Variants in KANK3 observed in about 807,000 individuals in gnomAD.
KANK3 encodes KN motif and ankyrin repeat domains 3, also known as KN motif and ankyrin repeat domain-containing protein 3.
A neutral mutation model predicts 65.4 loss-of-function variants in KANK3; 61 were observed. That is an observed-to-expected ratio of 0.93 (90% confidence interval 0.76 to 1.15). The LOEUF (loss-of-function observed/expected upper bound fraction) is 1.15. KANK3 is among the 50% of genes most tolerant of loss of function. The probability of loss-of-function intolerance (pLI) is 0.00; values close to 1 mark genes in which losing one functional copy is unlikely to be tolerated. For synonymous variants in KANK3, 586 were observed against 543.3 expected, an observed-to-expected ratio of 1.08 and a Z score of -1.09; for missense variants, 1,187 against 1,178.8, an observed-to-expected ratio of 1.01 and a Z score of -0.10.
rs755480025 is a variant in KANK3 at position 8,324,668 on chromosome 19, G to A, written c.2245C>T (p.Leu749Phe). The change falls in exon 9 of 11, where the codon CTC becomes TTC. Residue 749 changes from leucine (L) to phenylalanine (F), a missense_variant. By Grantham distance (22) the Leu-to-Phe change is conservative. Transcript: ENST00000330915. ...GCAGGGTCACAGCCTGGCTGGGTGA[G>A]CAGCAGCCGCACGGTGTCCAGGCGC... Reference protein sequence around the residue: ...YGRLDTVRLLLTQPGCDPAIL... With the variant: ...YGRLDTVRLLFTQPGCDPAIL... 1 of 1,613,866 alleles carries A rather than the reference G, an allele frequency of 6.2e-7. No individual in the cohort carries two copies. The highest frequency in any genetic ancestry group is 1.3e-5 in the African/African-American group (1 of 74,952).
chr19:8,326,481 TA>T (rs369948563), intron 7 of KANK3, among the ~76,000 whole-genome samples: 1,295 of 119,248 alleles, frequency 0.011, 3 homozygotes, highest in African/African-American at 0.024. Context: ...CCACCTGTTG[TA>T]AAAAAAAAAA....
At chr19:8,337,902 G>A in intron 1 of KANK3, 46 bp from the exon 2 acceptor site, 1 of 1,607,488 alleles carries the variant, frequency 6.2e-7, no homozygotes, top group Non-Finnish European at 8.5e-7. Flanking sequence ...CCTCTGGCTG[G>A]AGCCTCTGGG....
intron 1 of KANK3, 107 bp from the exon 2 acceptor site, chr19:8,337,963 G>C: frequency 7.2e-7 from 1 of 1,384,750 alleles, no homozygotes; most frequent in Non-Finnish European, 9.5e-7. Flanking sequence ...CCTCCACCCA[G>C]CCACCTCCCT....
chr19:8,324,608 C>T (rs201462799), intron 9 of KANK3, 22 bp downstream of exon 9: 1 of 1,613,088 alleles, frequency 6.2e-7, no homozygotes, highest in Non-Finnish European at 8.5e-7. Context: ...CCCAAGATGC[C>T]AGCCCCATTG....
chr19:8,342,795 G>A (rs1970737449), intron 1 of KANK3, among the ~76,000 whole-genome samples: 1 of 152,156 alleles, frequency 6.6e-6, no homozygotes, highest in Non-Finnish European at 1.5e-5. Flanking sequence ...AGGAAGCGCC[G>A]CCGGGCGGTT....
intron 7 of KANK3, among the ~76,000 whole-genome samples, chr19:8,332,441 G>A (rs893778080): frequency 2.6e-5 from 4 of 151,342 alleles, no homozygotes; most frequent in Admixed American, 1.3e-4. Context: ...GCCTCCCAAA[G>A]TGCTGGGGTT....
At chr19:8,328,651 C>T (rs899750469) in intron 7 of KANK3, among the ~76,000 whole-genome samples, 3 of 151,866 alleles carry the variant, frequency 2.0e-5, no homozygotes, top group Non-Finnish European at 4.4e-5. Context: ...CCCGCAAGGT[C>T]CAAGGATTAC....
intron 7 of KANK3, among the ~76,000 whole-genome samples, chr19:8,328,242 A>C (rs56328476): frequency 0.18 from 26,671 of 152,056 alleles, 2,552 homozygotes; most frequent in Admixed American, 0.26. Context: ...GTGAAACCCC[A>C]TGCCTACAAA....
At position 8,333,663 on chromosome 19, in the gene KANK3, C is replaced by T; in HGVS notation, c.1719+61G>A. On this transcript the variant is annotated intron_variant, in intron 6 of 10. Transcript: ENST00000330915. The surrounding 1 kb of genome is among the most constrained non-coding windows in gnomAD (Gnocchi z 5.0). ...AACCCGGTGTGCTCCCCTAAGTGGG[C>T]GTCAGAGGTCCTTGGAGGCTCCCAC... 1.5e-6 allele frequency: 2 copies of T among 1,324,522 alleles called. No individual in the cohort carries two copies. Among genetic ancestry groups the T allele is most frequent in the Non-Finnish European group, 2.0e-6 (2 of 1,004,810 alleles). 82.0% of individuals were successfully genotyped at this position (1,324,522 alleles called of 1,614,324 possible). A position where few individuals can be genotyped will look rare whatever the true frequency, so the allele number is the denominator to read the frequency against.
In KANK3 at chr19:8,335,226, C is replaced by A; in HGVS notation, c.601G>T (p.Glu201Ter). Residue 201 changes from glutamate to a stop codon, truncating the protein, a stop_gained, in exon 3 of 11, where the codon GAG becomes TAG. Coordinates refer to ENST00000330915, the MANE Select transcript of KANK3 (RefSeq NM_198471.3). LOFTEE classifies it high-confidence loss of function. ...TCGGGCAGCGTTCGCGCCTGGTCCT[C>A]GAGCTCGCGCAGGCGCCGCAGCGCC... ...AAALRRLRELEDQARTLPELQ... is the reference protein window; with the variant it reads ...AAALRRLREL 8.2e-7 allele frequency: 1 copy of A among 1,226,062 alleles called. No individual in the cohort carries two copies. Among genetic ancestry groups the A allele is most frequent in the Non-Finnish European group, 1.0e-6 (1 of 982,528 alleles). The allele number at this position is 1,226,062 out of a possible 1,614,324, so 75.9% of individuals were successfully genotyped here.
At chr19:8,337,322 G>A (rs1363577789) in intron 2 of KANK3, among the ~76,000 whole-genome samples, 1 of 149,762 alleles carries the variant, frequency 6.7e-6, no homozygotes, top group African/African-American at 2.5e-5. Flanking sequence ...TCCTGCCTCA[G>A]CCTCCCGAGT....
intron 7 of KANK3, among the ~76,000 whole-genome samples, chr19:8,330,895 T>C (rs931951490): frequency 1.4e-5 from 2 of 145,768 alleles, no homozygotes; most frequent in East Asian, 2.1e-4. Flanking sequence ...CAGAGCAAGA[T>C]CTGTTCGAAA....
At position 8,335,462 on chromosome 19, in the gene KANK3, C is replaced by T; in HGVS notation, c.365G>A (p.Arg122His). The change falls in exon 3 of 11, where the codon CGC (arginine) becomes CAC (histidine). Residue 122 changes from arginine to histidine, a missense_variant. By Grantham distance (29) the Arg-to-His change is conservative. Around this residue, in one of 3 missense-constraint regions of KANK3, gnomAD observed 1,078 missense variants for 1,038.2 expected, o/e 1.04. Transcript: ENST00000330915. ...SGLLMQPLSP[R>H]APVRNPRVEH... ...GACGCGCGGGTTGCGCACGGGCGCG[C>T]GCGGCGACAGCGGCTGCATCAGGAG... 2 of 1,230,868 alleles carry T rather than the reference C, an allele frequency of 1.6e-6. No individual in the cohort carries two copies. The highest frequency in any genetic ancestry group is 2.0e-6 in the Non-Finnish European group (2 of 984,236). The allele number at this position is 1,230,868 out of a possible 1,614,324, so 76.2% of individuals were successfully genotyped here.
At chr19:8,326,370 C>T (rs1338668809) in intron 7 of KANK3, among the ~76,000 whole-genome samples, 3 of 151,094 alleles carry the variant, frequency 2.0e-5, no homozygotes, top group Non-Finnish European at 4.4e-5. Flanking sequence ...TGCAGTGAGC[C>T]AAGATCACGC....
At position 8,333,237 on chromosome 19, in the gene KANK3, G is replaced by A. The variant is rs7248298; in HGVS notation, c.1720-7C>T. 0.11 allele frequency: 179,716 copies of A among 1,604,698 alleles called. 10,976 individuals carry two copies. Among genetic ancestry groups the A allele is most frequent in the African/African-American group, 0.21 (15,837 of 74,844 alleles). ...CCACGAGGCGCACTGCGCCCTGCAA[G>A]GGACAGGGGCCAAGATAACATCGGC... On this transcript the variant is annotated splice_polypyrimidine_tract_variant and splice_region_variant and intron_variant, in intron 6 of 10. Coordinates refer to ENST00000330915, the MANE Select transcript of KANK3 (RefSeq NM_198471.3). This position sits in a 1 kb window ranked among gnomAD's most constrained non-coding sequence, Gnocchi z 5.0.
At chr19:8,339,980 A>AGAAAAG (rs113055199) in intron 1 of KANK3, among the ~76,000 whole-genome samples, 38 of 95,730 alleles carry the variant, frequency 4.0e-4, no homozygotes, top group African/African-American at 8.9e-4. Flanking sequence ...AAAAAAAAAA[A>AGAAAAG]AAAAGAAAAG....
rs1970340864 is a variant in KANK3 at position 8,322,726 on chromosome 19, G to A, written c.*113C>T. ...CCCAACTGAAATTGCCTTTCTCTTC[G>A]GCCAGTGTTAGCCTCTGAGCAGGGG... is the stretch of plus-strand genomic sequence containing the variant. On this transcript the variant is annotated 3_prime_UTR_variant, in exon 11 of 11. Transcript: ENST00000330915. 1.3e-6 allele frequency: 1 copy of A among 763,446 alleles called. No individual in the cohort carries two copies. Among genetic ancestry groups the A allele is most frequent in the Non-Finnish European group, 2.1e-6 (1 of 469,150 alleles). 47.3% of individuals were successfully genotyped at this position (763,446 alleles called of 1,614,324 possible).
chr19:8,333,039 G>C lies in KANK3; in HGVS notation c.1911C>G (p.Ala637=), dbSNP rs1970556352. ...LHYSVSHGNL[A]IASLLLDTGA... ...CCGTATCCAGGAGCAGGCTTGCGAT[G>C]GCCAGGTTCCCGTGGGACACACTGT... is the stretch of plus-strand genomic sequence containing the variant. The change falls in exon 7 of 11, where the codon GCC becomes GCG. Residue 637 remains alanine (A), a synonymous_variant. Coordinates refer to ENST00000330915, the MANE Select transcript of KANK3 (RefSeq NM_198471.3). This position sits in a 1 kb window ranked among gnomAD's most constrained non-coding sequence, Gnocchi z 5.0. 10 of 1,574,232 alleles carry C rather than the reference G, an allele frequency of 6.4e-6. No individual in the cohort carries two copies. The highest frequency in any genetic ancestry group is 8.6e-6 in the Non-Finnish European group (10 of 1,159,572).
chr19:8,340,755 C>G (rs555317060), intron 1 of KANK3, among the ~76,000 whole-genome samples: 2 of 152,310 alleles, frequency 1.3e-5, no homozygotes, highest in African/African-American at 4.8e-5. Flanking sequence ...TCCCTGACCT[C>G]TCCCTTCCCA....
Sources: gnomAD v4.1 joint callset for allele counts (sites outside exome capture counted in the v4.1 genomes callset) on GRCh38, gnomAD v4.1.1 for gene constraint, gnomAD v4.1.1 regional missense constraint, Gnocchi (gnomAD v3.1) non-coding constraint, MANE v1.5 for transcripts, NCBI Gene and HGNC (gene_info 2026-07-23, HGNC 2026-07-21) for gene names.